SDAD1: variants seen among roughly 807,000 people sequenced by gnomAD.
SDAD1 encodes the protein SDA1 domain containing 1.
A neutral mutation model predicts 100.3 loss-of-function variants in SDAD1; 79 were observed. The ratio of observed to expected loss-of-function variants is 0.79; its 90% CI spans 0.66 to 0.95. The LOEUF (loss-of-function observed/expected upper bound fraction) is 0.95, where lower values mean the gene tolerates loss of function less well. SDAD1 is among the 40% of genes least tolerant of loss of function. The pLI is 0.00. For missense variants in SDAD1, 790 were observed against 810.9 expected (o/e 0.97, Z 0.31); for synonymous variants, 267 against 271.4 (o/e 0.98, Z 0.16).
In SDAD1 at chr4:75,961,095, A is replaced by G. The variant is rs774899515; in HGVS notation, c.1289T>C (p.Met430Thr). Residue 430 changes from methionine (M) to threonine (T), a missense_variant, in exon 16 of 22, where the codon ATG (methionine) becomes ACG (threonine). Transcript: ENST00000356260. ...YKTHKDKNVM[M>T]SARTLIHLFR... ...GAGGTGAATCAAAGTTCTAGCAGAC[A>G]TCATTACATCTGTAAAATAATACTT... 2.5e-6 allele frequency: 4 copies of G among 1,613,912 alleles called. No individual in the cohort carries two copies. The highest frequency in any genetic ancestry group is 3.4e-6 in the Non-Finnish European group (4 of 1,179,866).
At chr4:75,955,486 G>A (rs957294108) in intron 21 of SDAD1, among the ~76,000 whole-genome samples, 2 of 152,160 alleles carry the variant, frequency 1.3e-5, no homozygotes, top group African/African-American at 2.4e-5. Context: ...CTGGGAGGTC[G>A]AGGCTGCAGT....
At position 75,970,201 on chromosome 4, in the gene SDAD1, C is replaced by T. The variant is rs987769357; in HGVS notation, c.883+108G>A. The T allele has an allele frequency of 2.2e-5, 19 of 853,710 alleles. No individual in the cohort carries two copies. In the African/African-American group the frequency reaches 3.1e-4, roughly 14 times the overall value. The allele number at this position is 853,710 out of a possible 1,614,324, so 52.9% of individuals were successfully genotyped here. A position where few individuals can be genotyped will look rare whatever the true frequency, so the allele number is the denominator to read the frequency against. On this transcript the variant is annotated intron_variant, in intron 10 of 21. Coordinates refer to ENST00000356260, the MANE Select transcript of SDAD1 (RefSeq NM_018115.4). ...CTAGTAACAACTAAGCATTTATTGA[C>T]TATCTACTAAATGCCAGGGATCTTA...
chr4:75,975,006 C>T (rs1209925169), intron 6 of SDAD1, among the ~76,000 whole-genome samples: 1 of 151,838 alleles, frequency 6.6e-6, no homozygotes, highest in African/African-American at 2.4e-5. Context: ...CATGCCACTG[C>T]ACTCCAGCCT....
At chr4:75,956,758 T>C (rs1414166058) in intron 20 of SDAD1, among the ~76,000 whole-genome samples, 1 of 152,206 alleles carries the variant, frequency 6.6e-6, no homozygotes, top group Non-Finnish European at 1.5e-5. Context: ...AATACTGCCT[T>C]CCTGTGCTCT....
At chr4:75,971,697 T>A (rs1224176927) in intron 8 of SDAD1, among the ~76,000 whole-genome samples, 3 of 151,872 alleles carry the variant, frequency 2.0e-5, no homozygotes, top group Non-Finnish European at 4.4e-5. Context: ...ATAGCAAAAC[T>A]GTGTCTCTAC....
intron 20 of SDAD1, among the ~76,000 whole-genome samples, chr4:75,956,406 T>TG (rs1728896422): frequency 2.4e-5 from 2 of 81,834 alleles, no homozygotes; most frequent in Non-Finnish European, 5.8e-5. Context: ...GTTTTTTTTT[T>TG]GTTTTTTTTT....
intron 20 of SDAD1, 149 bp downstream of exon 20, chr4:75,957,176 T>C (rs1728945582): frequency 1.6e-6 from 1 of 643,722 alleles, no homozygotes; most frequent in Non-Finnish European, 2.7e-6. Flanking sequence ...ACTGAACATC[T>C]AATATCTGTG....
chr4:75,977,060 G>A (rs1027358270), intron 4 of SDAD1, among the ~76,000 whole-genome samples: 1 of 152,126 alleles, frequency 6.6e-6, no homozygotes, highest in African/African-American at 2.4e-5. Flanking sequence ...CAAAATGCTG[G>A]TATTGTAGGT....
chr4:75,963,685 T>C (rs1259181517), intron 14 of SDAD1, among the ~76,000 whole-genome samples: 2 of 152,166 alleles, frequency 1.3e-5, no homozygotes, highest in Non-Finnish European at 2.9e-5. Flanking sequence ...TTTGGCCCTC[T>C]GTTGGCTCTT....
Position 75,969,415 on chromosome 4 carries a change from T to C in SDAD1, c.884-16A>G. On this transcript the variant is annotated splice_polypyrimidine_tract_variant and intron_variant, in intron 10 of 21. Coordinates refer to ENST00000356260, the MANE Select transcript of SDAD1 (RefSeq NM_018115.4). ...TCCGCAAAATCTGGCAAGGAGAGGATGAAAGAAGTACATTGTGAGTCTATG... is the reference window on the plus strand; with the variant it reads ...TCCGCAAAATCTGGCAAGGAGAGGACGAAAGAAGTACATTGTGAGTCTATG... 6.4e-7 allele frequency: 1 copy of C among 1,561,622 alleles called. No individual in the cohort carries two copies. Among genetic ancestry groups the C allele is most frequent in the Non-Finnish European group, 8.8e-7 (1 of 1,133,242 alleles).
At chr4:75,967,429 G>T in intron 11 of SDAD1, 95 bp from the exon 12 acceptor site, 1 of 1,121,896 alleles carries the variant, frequency 8.9e-7, no homozygotes, top group Non-Finnish European at 1.3e-6. Flanking sequence ...TCAACTAATT[G>T]CAGAACACTT....
chr4:75,987,369 A>G (rs1394608478), intron 1 of SDAD1, among the ~76,000 whole-genome samples: 1 of 152,232 alleles, frequency 6.6e-6, no homozygotes, highest in Non-Finnish European at 1.5e-5. Context: ...TATTCTATTC[A>G]TATACATTTC....
chr4:75,975,877 C>A (rs780436702), intron 5 of SDAD1, 33 bp from the exon 6 acceptor site: 19 of 1,600,450 alleles, frequency 1.2e-5, no homozygotes, highest in Non-Finnish European at 1.6e-5. Context: ...AGACTTAATG[C>A]ACTGATGGTA....
chr4:75,959,535 T>C (rs866378727), intron 17 of SDAD1, among the ~76,000 whole-genome samples: 8 of 151,722 alleles, frequency 5.3e-5, no homozygotes, highest in Middle Eastern at 6.8e-3. Flanking sequence ...ACCTGGGAGA[T>C]GGAGGTTGCA....
intron 3 of SDAD1, among the ~76,000 whole-genome samples, 196 bp from the exon 4 acceptor site, chr4:75,977,952 T>C (rs917644961): frequency 6.6e-6 from 1 of 152,068 alleles, no homozygotes; most frequent in African/African-American, 2.4e-5. Context: ...CAAGTAAGCA[T>C]ATAAAAAGGA....
Position 75,954,614 on chromosome 4 carries a change from T to C in SDAD1, c.2016+1361A>G, listed in dbSNP as rs536653963. On this transcript the variant is annotated intron_variant, in intron 21 of 21. Transcript: ENST00000356260. Reference sequence around the variant, plus strand: ...CTTGTAGGGAGACCCCCTGAATCTATTGCTACAGAATAAAAGATGAAATGC... The same window carrying C: ...CTTGTAGGGAGACCCCCTGAATCTACTGCTACAGAATAAAAGATGAAATGC... Among the ~76,000 whole-genome samples, 28 of 152,222 alleles carry C rather than the reference T, an allele frequency of 1.8e-4. No homozygotes were observed. In the South Asian group the frequency reaches 1.9e-3, roughly 10 times the overall value.
intron 8 of SDAD1, among the ~76,000 whole-genome samples, chr4:75,972,935 G>C (rs976055473): frequency 6.6e-6 from 1 of 151,746 alleles, no homozygotes; most frequent in African/African-American, 2.4e-5. Context: ...GCAGGAGAAC[G>C]GCATGAACCC....
At chr4:75,978,046 GGT>G (rs1730256937) in intron 3 of SDAD1, among the ~76,000 whole-genome samples, 4 of 152,058 alleles carry the variant, frequency 2.6e-5, no homozygotes, top group Admixed American at 2.6e-4. Flanking sequence ...GCCACAGGGA[GGT>G]CAAGTAAGGT....
chr4:75,987,077 T>A lies in SDAD1; in HGVS notation c.90+3675A>T, dbSNP rs575307318. On this transcript the variant is annotated intron_variant, in intron 1 of 21. Transcript: ENST00000356260. ...CTGTACCTTCTACTCTATTTCTCTC[T>A]TCAGAAAAAGTCCTTTAAAGAGTTG... Among the ~76,000 whole-genome samples, 114 of 152,302 alleles carry A rather than the reference T, an allele frequency of 7.5e-4. No homozygotes were observed. The Middle Eastern group carries it at 0.014, about 18-fold the overall frequency.
Sources: gnomAD v4.1 joint callset for allele counts (sites outside exome capture counted in the v4.1 genomes callset) on GRCh38, gnomAD v4.1.1 for gene constraint, MANE v1.5 for transcripts, NCBI Gene and HGNC (gene_info 2026-07-23, HGNC 2026-07-21) for gene names.